Variants in ZFP64 observed in about 807,000 individuals in gnomAD.
ZFP64 encodes ZFP64 zinc finger protein.
ZFP64 carries 14 observed loss-of-function variants against 51.6 expected under a neutral mutation model. The observed-to-expected ratio is 0.27, with a 90% CI of 0.18 to 0.42. The LOEUF is 0.42. ZFP64 is among the 10% of genes least tolerant of loss of function. ZFP64 has a pLI of 1.00. For missense variants in ZFP64, 754 were observed against 906.8 expected (o/e 0.83, Z 2.16); for synonymous variants, 375 against 361.4 (o/e 1.04, Z -0.43).
At chr20:52,105,684 T>A (rs1978309118) in intron 5 of ZFP64, 1 of 152,096 alleles carries the variant, frequency 6.6e-6, no homozygotes, top group African/African-American at 2.4e-5. Context: ...TCACTGGGGA[T>A]CTCGTTAAAA....
intron 1 of ZFP64, among the ~76,000 whole-genome samples, chr20:52,188,415 C>T (rs1368490412): frequency 2.7e-5 from 4 of 146,140 alleles, no homozygotes; most frequent in African/African-American, 5.0e-5. Context: ...CCCGGGTTCA[C>T]GCCATTCTCC....
intron 2 of ZFP64, among the ~76,000 whole-genome samples, chr20:52,178,672 G>A (rs1468754585): frequency 1.3e-5 from 2 of 151,974 alleles, no homozygotes; most frequent in African/African-American, 4.8e-5. Flanking sequence ...CTTGCCCTGA[G>A]CTTCCCCCAC....
intron 5 of ZFP64, among the ~76,000 whole-genome samples, chr20:52,118,303 T>A (rs1978986599): frequency 6.6e-6 from 1 of 150,516 alleles, no homozygotes; most frequent in Non-Finnish European, 1.5e-5. Context: ...TGGATCCAAG[T>A]CTTTATTTAT....
intron 5 of ZFP64, among the ~76,000 whole-genome samples, chr20:52,134,028 C>CAAA (rs59218544): frequency 7.2e-5 from 7 of 97,500 alleles, no homozygotes; most frequent in African/African-American, 1.4e-4. Context: ...GATCCTGTCT[C>CAAA]AAAAAAAAAA....
At position 52,160,499 on chromosome 20, in the gene ZFP64, A is replaced by G; in HGVS notation, c.512-125T>C. The G allele has an allele frequency of 7.9e-7, 1 of 1,271,188 alleles. No individual in the cohort carries two copies. The highest frequency in any genetic ancestry group is 1.1e-6 in the Non-Finnish European group (1 of 942,878). The allele number at this position is 1,271,188 out of a possible 1,614,324, so 78.7% of individuals were successfully genotyped here. A position where few individuals can be genotyped will look rare whatever the true frequency, so the allele number is the denominator to read the frequency against. On this transcript the variant is annotated intron_variant, in intron 4 of 5. Transcript: ENST00000216923. The surrounding 1 kb of genome is among the most constrained non-coding windows in gnomAD (Gnocchi z 4.2). ...CGAAGAATATTCCAAAAACCCTAAA[A>G]CACTGGGTGGATGATTGGCAAAGAG... is the stretch of plus-strand genomic sequence containing the variant.
intron 5 of ZFP64, among the ~76,000 whole-genome samples, chr20:52,145,315 C>T (rs1234497998): frequency 6.6e-6 from 1 of 152,176 alleles, no homozygotes; most frequent in African/African-American, 2.4e-5. Flanking sequence ...GTAATGGTAA[C>T]ACAATGGTAA....
chr20:52,165,644 G>A lies in ZFP64; in HGVS notation c.448+220C>T, dbSNP rs985409406. 2.1e-4 allele frequency: 148 copies of A among 714,372 alleles called. No individual in the cohort carries two copies. In the Admixed American group the frequency reaches 3.1e-3, roughly 15 times the overall value. The allele number at this position is 714,372 out of a possible 1,614,324, so 44.3% of individuals were successfully genotyped here. On this transcript the variant is annotated intron_variant, in intron 3 of 5. Coordinates refer to ENST00000216923, the MANE Select transcript of ZFP64 (RefSeq NM_018197.3). ...AAATTTTCACGAGTTCCACTTCAAA[G>A]GCCTATGGCTAGAAAAGTCTTAGAA...
At chr20:52,117,940 T>C (rs1422723223) in intron 5 of ZFP64, among the ~76,000 whole-genome samples, 1 of 151,754 alleles carries the variant, frequency 6.6e-6, no homozygotes, top group South Asian at 2.1e-4. Context: ...GAACTACAAG[T>C]GCACACCACA....
At position 52,134,780 on chromosome 20, in the gene ZFP64, T is replaced by C. The variant is rs570343087; in HGVS notation, c.763+25343A>G. Among the ~76,000 whole-genome samples the C allele has an allele frequency of 6.6e-5, 10 of 152,296 alleles. No homozygotes were observed. The South Asian group carries it at 2.1e-3, about 32-fold the overall frequency. On this transcript the variant is annotated intron_variant, in intron 5 of 8. Transcript: ENST00000361387. ...TCCAACATAAAGAGAAGCCATAAAA[T>C]ACAAATTCAATCTAATTTGAACTTA... is the stretch of plus-strand genomic sequence containing the variant.
chr20:52,146,679 T>C (rs1980545591), downstream of ZFP64, among the ~76,000 whole-genome samples: 1 of 152,066 alleles, frequency 6.6e-6, no homozygotes, highest in Non-Finnish European at 1.5e-5. Context: ...TGTATACATA[T>C]GTAACTAACC....
At chr20:52,164,911 G>C in intron 3 of ZFP64, 154 bp from the exon 4 acceptor site, 1 of 714,174 alleles carries the variant, frequency 1.4e-6, no homozygotes. Flanking sequence ...TGATGACCGG[G>C]AAAAACACAC....
At chr20:52,135,361 A>G (rs535524017) in intron 5 of ZFP64, among the ~76,000 whole-genome samples, 4 of 152,350 alleles carry the variant, frequency 2.6e-5, no homozygotes, top group African/African-American at 9.6e-5. Flanking sequence ...CAGAGAAGAT[A>G]TGGCCCACAA....
chr20:52,098,736 G>T, intron 5 of ZFP64: 1 of 1,000,814 alleles, frequency 1.0e-6, no homozygotes, highest in Non-Finnish European at 1.4e-6. Context: ...AGGCGGGGTG[G>T]CTCATGCCTG....
intron 5 of ZFP64, among the ~76,000 whole-genome samples, chr20:52,113,422 CTTTTTT>C (rs936439409): frequency 8.3e-5 from 8 of 96,518 alleles, no homozygotes; most frequent in African/African-American, 2.9e-4. Flanking sequence ...GCCAGGAATT[CTTTTTT>C]TTTTTTTTTT....
intron 8 of ZFP64, among the ~76,000 whole-genome samples, chr20:52,087,490 A>G (rs1482445883): frequency 1.3e-5 from 2 of 152,222 alleles, no homozygotes; most frequent in Non-Finnish European, 2.9e-5. Context: ...GTAGACACCA[A>G]TTAGAATGTG....
At chr20:52,084,546 C>T in exon 9 of ZFP64, 1 of 1,606,446 alleles carries the variant, frequency 6.2e-7, no homozygotes, top group Non-Finnish European at 8.5e-7. Context: ...TGACCACCCT[C>T]TTCGGCTGAG....
intron 2 of ZFP64, among the ~76,000 whole-genome samples, chr20:52,172,594 T>A (rs77579134): frequency 0.024 from 3,603 of 152,170 alleles, 59 homozygotes; most frequent in African/African-American, 0.041. Flanking sequence ...GGATGACTCA[T>A]AACCTTGGGG....
rs116168441 is a variant in ZFP64, at chr20:52,170,533, T to G, written c.287-4508A>C. Among the ~76,000 whole-genome samples the G allele has an allele frequency of 1.8e-3, 269 of 152,272 alleles. 2 individuals are homozygous for G. Among genetic ancestry groups the G allele is most frequent in the African/African-American group, 6.3e-3 (260 of 41,548 alleles). On this transcript the variant is annotated intron_variant, in intron 2 of 5. Coordinates refer to ENST00000216923, the MANE Select transcript of ZFP64 (RefSeq NM_018197.3). ...TCATTTTGGGGCAGGGCTAATCCCA[T>G]GTAACCTGCGAGTCATCCCAAAGTA...
At chr20:52,127,391 CA>C (rs1234857759) in intron 5 of ZFP64, among the ~76,000 whole-genome samples, 2 of 151,994 alleles carry the variant, frequency 1.3e-5, no homozygotes, top group Non-Finnish European at 2.9e-5. Context: ...CCATAATCCC[CA>C]CGTGTCAAGG....
Sources: gnomAD v4.1 joint callset for allele counts (sites outside exome capture counted in the v4.1 genomes callset) on GRCh38, gnomAD v4.1.1 for gene constraint, Gnocchi (gnomAD v3.1) non-coding constraint, MANE v1.5 for transcripts, NCBI Gene and HGNC (gene_info 2026-07-23, HGNC 2026-07-21) for gene names.